The following CDC42BPB variants were observed in gnomAD, a reference collection of about 807,000 sequenced individuals.
CDC42BPB encodes the protein serine/threonine-protein kinase MRCK beta.
Under a neutral mutation model 214.9 loss-of-function variants are expected in CDC42BPB, and 37 were observed. That is an observed-to-expected ratio of 0.17 (90% CI 0.13 to 0.23). The LOEUF (loss-of-function observed/expected upper bound fraction) is 0.23. CDC42BPB is among the 10% of genes least tolerant of loss of function. CDC42BPB has a pLI of 1.00. For synonymous variants in CDC42BPB, 931 were observed against 884.0 expected (o/e 1.05, Z -0.94); for missense variants, 1,694 against 2,227.0 (o/e 0.76, Z 4.82).
At position 102,943,919 on chromosome 14, in the gene CDC42BPB, G is replaced by C; in HGVS notation, c.4380C>G (p.Leu1460=). ...PQGRRARAQE[L]MWPAAPVACS... ...AGGCGACAGGAGCCGCAGGCCACAT[G>C]AGCTCCTGCGCGCGTGCCCTCCGGC... The change falls in exon 30 of 37, where the codon CTC becomes CTG. Residue 1460 remains leucine, a synonymous_variant. Coordinates refer to ENST00000361246, the MANE Select transcript of CDC42BPB (RefSeq NM_006035.4). The surrounding 1 kb of genome is among the most constrained non-coding windows in gnomAD (Gnocchi z 4.6). 6.2e-7 allele frequency: 1 copy of C among 1,611,254 alleles called. No individual in the cohort carries two copies. The highest frequency in any genetic ancestry group is 8.5e-7 in the Non-Finnish European group (1 of 1,179,194).
At chr14:103,016,651 G>C (rs987790092) in intron 1 of CDC42BPB, among the ~76,000 whole-genome samples, 1 of 152,128 alleles carries the variant, frequency 6.6e-6, no homozygotes, top group Non-Finnish European at 1.5e-5. Context: ...GTTCCTCACT[G>C]TCCAAGTGAG....
chr14:102,945,826 T>C, intron 28 of CDC42BPB, 102 bp from the exon 29 acceptor site: 2 of 966,520 alleles, frequency 2.1e-6, no homozygotes, highest in Non-Finnish European at 3.3e-6. Flanking sequence ...TTTTCAACCA[T>C]ATGTGGATGA....
At chr14:103,047,016 A>G (rs1888327149) in intron 1 of CDC42BPB, among the ~76,000 whole-genome samples, 1 of 151,422 alleles carries the variant, frequency 6.6e-6, no homozygotes, top group Non-Finnish European at 1.5e-5. Context: ...TGGGCGCGGC[A>G]GCTCATGCCT....
chr14:103,042,812 GAAC>G (rs1178841123), intron 1 of CDC42BPB, among the ~76,000 whole-genome samples: 10 of 152,148 alleles, frequency 6.6e-5, no homozygotes, highest in African/African-American at 2.4e-4. Flanking sequence ...GGAGAAACTG[GAAC>G]CCTTGTGGGC....
At chr14:102,947,403 G>GCGC (rs1423301370) in intron 27 of CDC42BPB, among the ~76,000 whole-genome samples, 2 of 152,230 alleles carry the variant, frequency 1.3e-5, no homozygotes, top group Non-Finnish European at 2.9e-5. Flanking sequence ...ACCTGCCACA[G>GCGC]CGCCCGCCTG....
chr14:102,944,439 G>A lies in CDC42BPB; in HGVS notation c.3860C>T (p.Ala1287Val). The change falls in exon 30 of 37, where the codon GCT becomes GTT. Residue 1287 changes from alanine (A) to valine (V), a missense_variant. By Grantham distance (64) the Ala-to-Val change is moderately conservative. Coordinates refer to ENST00000361246, the MANE Select transcript of CDC42BPB (RefSeq NM_006035.4). The surrounding 1 kb of genome is among the most constrained non-coding windows in gnomAD (Gnocchi z 6.6). The stretch of plus-strand genomic sequence containing the variant: ...GAGGATTACGATCTTCTCCCTGGGA[G>A]CAAGCTCGATCTGGTGTACCTTCTT... ...DCKKVHQIEL[A>V]PREKIVILLC... is the part of the protein sequence containing the mutation. The A allele has an allele frequency of 6.2e-7, 1 of 1,612,994 alleles. No individual in the cohort carries two copies. Among genetic ancestry groups the A allele is most frequent in the Non-Finnish European group, 8.5e-7 (1 of 1,180,006 alleles).
At position 102,943,274 on chromosome 14, in the gene CDC42BPB, C is replaced by T. The variant is rs947841298; in HGVS notation, c.4408+617G>A. 9.9e-5 allele frequency among the ~76,000 whole-genome samples: 15 copies of T among 152,168 alleles called. No homozygotes were observed. Among genetic ancestry groups the T allele is most frequent in the African/African-American group, 2.4e-4 (10 of 41,444 alleles). Reference sequence around the variant, plus strand: ...CAGGTGTGAGCCACCGCTCTCCACCCGGTTTAAGGTTTTAAAAGCAATCGG... The same window carrying T: ...CAGGTGTGAGCCACCGCTCTCCACCTGGTTTAAGGTTTTAAAAGCAATCGG... On this transcript the variant is annotated intron_variant, in intron 30 of 36. Transcript: ENST00000361246. This position sits in a 1 kb window ranked among gnomAD's most constrained non-coding sequence, Gnocchi z 4.6.
chr14:102,963,288 C>G, intron 19 of CDC42BPB, 133 bp from the exon 20 acceptor site: 1 of 1,388,000 alleles, frequency 7.2e-7, no homozygotes, highest in Non-Finnish European at 9.3e-7. Flanking sequence ...GTAGCTCATG[C>G]TGGGCCTTTC....
At chr14:102,989,148 A>G (rs1894383205) in intron 5 of CDC42BPB, among the ~76,000 whole-genome samples, 1 of 152,218 alleles carries the variant, frequency 6.6e-6, no homozygotes, top group African/African-American at 2.4e-5. Flanking sequence ...ACACACAAAA[A>G]TACAAACATG....
intron 1 of CDC42BPB, among the ~76,000 whole-genome samples, chr14:103,044,444 A>G (rs1888179870): frequency 7.0e-6 from 1 of 143,524 alleles, no homozygotes; most frequent in South Asian, 2.2e-4. Flanking sequence ...ATCTCAGCTC[A>G]CTGCAACCTC....
intron 7 of CDC42BPB, among the ~76,000 whole-genome samples, chr14:102,982,886 A>G (rs1304827860): frequency 1.3e-5 from 2 of 152,248 alleles, no homozygotes; most frequent in Non-Finnish European, 2.9e-5. Context: ...CTCAAAAAAG[A>G]AAGACACATG....
At chr14:103,018,800 A>T (rs1040683572) in intron 1 of CDC42BPB, among the ~76,000 whole-genome samples, 3 of 152,210 alleles carry the variant, frequency 2.0e-5, no homozygotes, top group Non-Finnish European at 4.4e-5. Context: ...CTGCTGTTTT[A>T]TATTTTCAAA....
rs546321376 is a variant in CDC42BPB, at chr14:102,933,623, C to G, written c.*89G>C. On this transcript the variant is annotated 3_prime_UTR_variant, in exon 37 of 37. Transcript: ENST00000361246. The stretch of plus-strand genomic sequence containing the variant: ...TATCTACAAAGTGATTCTACATTTC[C>G]TTGGACAACACTGGAGGGCCCGCTC... 136 of 1,054,084 alleles carry G rather than the reference C, an allele frequency of 1.3e-4. No individual in the cohort carries two copies. In the African/African-American group the frequency reaches 2.2e-3, roughly 17 times the overall value. The allele number at this position is 1,054,084 out of a possible 1,614,324, so 65.3% of individuals were successfully genotyped here. A position where few individuals can be genotyped will look rare whatever the true frequency, so the allele number is the denominator to read the frequency against.
rs941181749 is a variant in CDC42BPB at position 102,944,372 on chromosome 14, C to T, written c.3927G>A (p.Ser1309=). 2.5e-5 allele frequency: 40 copies of T among 1,613,070 alleles called. No homozygotes were observed. Among genetic ancestry groups the T allele is most frequent in the Middle Eastern group, 1.6e-4 (1 of 6,084 alleles). ...AGCTGCCTTCCGCTCCATCAAGGGA[C>T]GACCACGGATAGAGGTGCACATGGT... ...RNHHVHLYPW[S]SLDGAEGSFD... The change falls in exon 30 of 37, where the codon TCG becomes TCA. Residue 1309 remains serine (S), a synonymous_variant. Transcript: ENST00000361246. The surrounding 1 kb of genome is among the most constrained non-coding windows in gnomAD (Gnocchi z 6.6).
intron 28 of CDC42BPB, 43 bp from the exon 29 acceptor site, chr14:102,945,767 C>T (rs1468551897): frequency 1.3e-6 from 2 of 1,577,780 alleles, no homozygotes; most frequent in Non-Finnish European, 8.7e-7. Flanking sequence ...GTACAGCCGA[C>T]CGTGAACAAT....
At chr14:102,934,776 CCA>C (rs1891565027) in intron 36 of CDC42BPB, among the ~76,000 whole-genome samples, 2 of 151,918 alleles carry the variant, frequency 1.3e-5, no homozygotes, top group Non-Finnish European at 2.9e-5. Context: ...CTTTGGGAGG[CCA>C]AGGTGGGCAG....
chr14:102,999,738 G>A, intron 4 of CDC42BPB, 25 bp from the exon 5 acceptor site: 5 of 1,613,918 alleles, frequency 3.1e-6, no homozygotes, highest in Non-Finnish European at 3.4e-6. Context: ...GAGAAGGGGA[G>A]AGAATACCAC....
At chr14:103,033,997 A>C (rs1887531578) in intron 1 of CDC42BPB, among the ~76,000 whole-genome samples, 1 of 152,216 alleles carries the variant, frequency 6.6e-6, no homozygotes, top group Non-Finnish European at 1.5e-5. Flanking sequence ...GATTCTACAA[A>C]GCTGCCATGG....
At position 102,964,517 on chromosome 14, in the gene CDC42BPB, T is replaced by G. The variant is rs200090522; in HGVS notation, c.2711A>C (p.Asn904Thr). The G allele has an allele frequency of 5.6e-6, 9 of 1,613,572 alleles. No individual in the cohort carries two copies. Among genetic ancestry groups the G allele is most frequent in the African/African-American group, 1.3e-5 (1 of 74,920 alleles). ...CACCAAGTACCTTTCCAAGGTGAGG[T>G]TGGCGTCCTTGACCTTCCTGAGCTC... ...QEELRKVKDA[N>T]LTLESKLKDS... Residue 904 changes from asparagine to threonine, a missense_variant, in exon 19 of 37, where the codon AAC becomes ACC. Coordinates refer to ENST00000361246, the MANE Select transcript of CDC42BPB (RefSeq NM_006035.4).
Sources: gnomAD v4.1 joint callset for allele counts (sites outside exome capture counted in the v4.1 genomes callset) on GRCh38, gnomAD v4.1.1 for gene constraint, Gnocchi (gnomAD v3.1) non-coding constraint, MANE v1.5 for transcripts, NCBI Gene and HGNC (gene_info 2026-07-23, HGNC 2026-07-21) for gene names.